Variants in SLC25A48 observed in about 807,000 individuals in gnomAD.
The protein encoded by SLC25A48 is solute carrier family 25 member 48.
In SLC25A48, 29 loss-of-function variants were observed where a neutral mutation model predicts 32.2. The ratio of observed to expected loss-of-function variants is 0.90; its 90% CI spans 0.67 to 1.23. The LOEUF is 1.23. SLC25A48 is among the 50% of genes most tolerant of loss of function. The pLI is 0.00. For missense variants in SLC25A48, 399 were observed against 422.7 expected (o/e 0.94, Z 0.49); for synonymous variants, 164 against 172.3 (o/e 0.95, Z 0.38).
intron 1 of SLC25A48, among the ~76,000 whole-genome samples, chr5:135,840,656 G>C (rs1372839282): frequency 6.6e-6 from 1 of 152,162 alleles, no homozygotes; most frequent in Non-Finnish European, 1.5e-5. Flanking sequence ...TATAGGTAGA[G>C]TCACACAATA....
At chr5:135,714,761 C>G (rs1754755262) in intron 3 of SLC25A48, 1 of 152,310 alleles carries the variant, frequency 6.6e-6, no homozygotes, top group East Asian at 1.9e-4. Flanking sequence ...CCATTATTAT[C>G]CTATTCTATA....
At chr5:135,725,031 G>A (rs887917397) in intron 3 of SLC25A48, among the ~76,000 whole-genome samples, 1 of 152,234 alleles carries the variant, frequency 6.6e-6, no homozygotes, top group African/African-American at 2.4e-5. Flanking sequence ...AAGGCTTTTT[G>A]CTCTTTTGAG....
chr5:135,709,776 G>C (rs547225453), intron 3 of SLC25A48, among the ~76,000 whole-genome samples: 1 of 152,140 alleles, frequency 6.6e-6, no homozygotes, highest in Non-Finnish European at 1.5e-5. Flanking sequence ...GTTTGTATAA[G>C]ATAATGCCTT....
intron 7 of SLC25A48, among the ~76,000 whole-genome samples, chr5:135,886,092 A>G (rs1762701732): frequency 6.6e-6 from 1 of 152,208 alleles, no homozygotes. Context: ...GTACATCACT[A>G]TAATGATGGT....
At chr5:135,694,585 ATTTACT>A (rs1754224203) in intron 3 of SLC25A48, among the ~76,000 whole-genome samples, 1 of 149,488 alleles carries the variant, frequency 6.7e-6, no homozygotes, top group South Asian at 2.1e-4. Context: ...TTATTTATTT[ATTTACT>A]TTTATTTTTA....
At chr5:135,742,501 G>C in intron 3 of SLC25A48, 2 of 1,579,298 alleles carry the variant, frequency 1.3e-6, no homozygotes, top group Non-Finnish European at 1.7e-6. Flanking sequence ...GGTGGGCACT[G>C]AATGTGCTTT....
chr5:135,752,587 T>C (rs1036073953), intron 3 of SLC25A48, among the ~76,000 whole-genome samples: 13 of 152,194 alleles, frequency 8.5e-5, no homozygotes, highest in Middle Eastern at 3.4e-3. Flanking sequence ...TCCTACAGTA[T>C]CACAAATAAT....
At chr5:135,775,806 G>C (rs1298275730) in intron 3 of SLC25A48, among the ~76,000 whole-genome samples, 2 of 151,770 alleles carry the variant, frequency 1.3e-5, no homozygotes, top group African/African-American at 4.8e-5. Flanking sequence ...TTTAGGAAGG[G>C]AGAGGATGCT....
chr5:135,778,578 T>A (rs1580869414), intron 3 of SLC25A48, among the ~76,000 whole-genome samples: 1 of 151,252 alleles, frequency 6.6e-6, no homozygotes, highest in East Asian at 2.0e-4. Flanking sequence ...GGAGACAGGA[T>A]AATATAACTC....
chr5:135,581,217 G>C (rs1245814082), intron 1 of SLC25A48, among the ~76,000 whole-genome samples: 1 of 152,226 alleles, frequency 6.6e-6, no homozygotes, highest in Non-Finnish European at 1.5e-5. Context: ...TAGCTGCAGA[G>C]TATTCCGTCA....
At chr5:135,845,299 C>T (rs1759318606) in intron 2 of SLC25A48, among the ~76,000 whole-genome samples, 2 of 152,262 alleles carry the variant, frequency 1.3e-5, no homozygotes, top group Non-Finnish European at 2.9e-5. Context: ...TTCCTAAGGA[C>T]ACTAGCCATT....
At chr5:135,726,686 G>A (rs548160299) in intron 3 of SLC25A48, among the ~76,000 whole-genome samples, 36 of 152,324 alleles carry the variant, frequency 2.4e-4, no homozygotes, top group African/African-American at 4.3e-4. Flanking sequence ...CATGGTGTGC[G>A]TGTACCACAG....
At chr5:135,672,253 C>G (rs964113417) in intron 3 of SLC25A48, among the ~76,000 whole-genome samples, 1 of 151,976 alleles carries the variant, frequency 6.6e-6, no homozygotes, top group Non-Finnish European at 1.5e-5. Context: ...AGAGGGTTTC[C>G]GAGGGATATT....
intron 3 of SLC25A48, among the ~76,000 whole-genome samples, chr5:135,721,192 CTTTTTTTTTTTTTTTT>C (rs757412641): frequency 2.0e-4 from 11 of 53,866 alleles, no homozygotes; most frequent in Non-Finnish European, 4.6e-4. Context: ...CATGCCTGGC[CTTTTTTTTTTTTTTTT>C]TTTTTTTTTT....
intron 3 of SLC25A48, among the ~76,000 whole-genome samples, chr5:135,643,100 A>G (rs1244892773): frequency 6.6e-6 from 1 of 152,204 alleles, no homozygotes; most frequent in Non-Finnish European, 1.5e-5. Context: ...AGCCCCCAAC[A>G]TGTATGTCAG....
chr5:135,877,505 G>A (rs552959381), intron 6 of SLC25A48, among the ~76,000 whole-genome samples: 6 of 152,274 alleles, frequency 3.9e-5, no homozygotes, highest in South Asian at 2.1e-4. Flanking sequence ...CAGTTCAGAC[G>A]CTCTTCCTTT....
intron 3 of SLC25A48, among the ~76,000 whole-genome samples, chr5:135,719,155 CA>C (rs1476494104): frequency 6.6e-6 from 1 of 152,170 alleles, no homozygotes; most frequent in Non-Finnish European, 1.5e-5. Context: ...CAAAATCAAA[CA>C]TTTAATTTAA....
At chr5:135,837,222 C>T (rs1463152713) in intron 1 of SLC25A48, among the ~76,000 whole-genome samples, 1 of 152,084 alleles carries the variant, frequency 6.6e-6, no homozygotes, top group Non-Finnish European at 1.5e-5. Context: ...CCTCCCCCCA[C>T]TACTGGGAAG....
chr5:135,790,427 T>C lies in SLC25A48; in HGVS notation c.-520-22096T>C, dbSNP rs930867430. ...GTTACTCTTAATGTCACAGTGGGTG[T>C]ACACGATTTGTGTACATCCTGTTTT... On this transcript the variant is annotated intron_variant, in intron 3 of 10. Transcript: ENST00000646290. Among the ~76,000 whole-genome samples, 65 of 152,034 alleles carry C rather than the reference T, an allele frequency of 4.3e-4. 1 individual carries two copies. Among genetic ancestry groups the C allele is most frequent in the African/African-American group, 1.6e-3 (65 of 41,406 alleles).
Sources: gnomAD v4.1 joint callset for allele counts (sites outside exome capture counted in the v4.1 genomes callset) on GRCh38, gnomAD v4.1.1 for gene constraint, MANE v1.5 for transcripts, NCBI Gene and HGNC (gene_info 2026-07-23, HGNC 2026-07-21) for gene names.